RAB7A: variants seen among roughly 807,000 people sequenced by gnomAD.
RAB7A encodes the protein RAB7A, member RAS oncogene family, also known as ras-related protein Rab-7a.
Under a neutral mutation model 24.5 loss-of-function variants are expected in RAB7A, and 2 were observed. The observed-to-expected ratio is 0.08, with a 90% CI of 0.03 to 0.26. RAB7A has a LOEUF of 0.26. Ranked by LOEUF, RAB7A falls within the 10% of genes least tolerant of loss-of-function variation. The pLI is 1.00. For synonymous variants in RAB7A, 100 were observed against 95.9 expected, an observed-to-expected ratio of 1.04 and a Z score of -0.25; for missense variants, 118 against 255.7, an observed-to-expected ratio of 0.46 and a Z score of 3.67.
At chr3:128,760,045 C>A (rs1335671733) in intron 1 of RAB7A, among the ~76,000 whole-genome samples, 1 of 152,114 alleles carries the variant, frequency 6.6e-6, no homozygotes, top group African/African-American at 2.4e-5. Flanking sequence ...GACTGGTCCT[C>A]AGGTGCCCAG....
chr3:128,763,208 A>ATATATATATATATATTTTTT (rs373993932), intron 1 of RAB7A, among the ~76,000 whole-genome samples: 1 of 76,060 alleles, frequency 1.3e-5, no homozygotes, highest in African/African-American at 8.2e-5. Context: ...ATATATATAT[A>ATATATATATATATATTTTTT]TTTTTTTTTT....
At chr3:128,797,561 A>G (rs1933603699) in intron 2 of RAB7A, among the ~76,000 whole-genome samples, 1 of 152,218 alleles carries the variant, frequency 6.6e-6, no homozygotes, top group Non-Finnish European at 1.5e-5. Context: ...CTAAATGGAG[A>G]AACATCTAAG....
intron 1 of RAB7A, among the ~76,000 whole-genome samples, chr3:128,780,231 C>T (rs1469472347): frequency 6.6e-6 from 1 of 152,126 alleles, no homozygotes; most frequent in African/African-American, 2.4e-5. Flanking sequence ...AATCCTATCT[C>T]TAGGAACAGT....
chr3:128,794,699 C>A (rs993683649), intron 1 of RAB7A, among the ~76,000 whole-genome samples: 5 of 152,082 alleles, frequency 3.3e-5, no homozygotes, highest in African/African-American at 1.2e-4. Context: ...TTTTTCACAT[C>A]TTCTGGTTAT....
chr3:128,730,386 C>T (rs1018882921), intron 1 of RAB7A, among the ~76,000 whole-genome samples: 4 of 152,076 alleles, frequency 2.6e-5, no homozygotes, highest in Non-Finnish European at 4.4e-5. Context: ...CCCACCACCA[C>T]GCCCGGCTAA....
intron 1 of RAB7A, among the ~76,000 whole-genome samples, chr3:128,736,573 A>G (rs576648602): frequency 6.6e-6 from 1 of 152,314 alleles, no homozygotes; most frequent in African/African-American, 2.4e-5. Context: ...CTGTCTTGGC[A>G]AAGGGAAAAA....
At chr3:128,732,269 A>T (rs1200076903) in intron 1 of RAB7A, among the ~76,000 whole-genome samples, 1 of 151,458 alleles carries the variant, frequency 6.6e-6, no homozygotes, top group Non-Finnish European at 1.5e-5. Flanking sequence ...CAATCCCTTG[A>T]CCCTGTGATC....
intron 1 of RAB7A, among the ~76,000 whole-genome samples, chr3:128,726,888 G>A (rs531922305): frequency 5.6e-4 from 85 of 152,360 alleles, no homozygotes; most frequent in Non-Finnish European, 9.0e-4. Context: ...CAGGTCACGT[G>A]CGCTGGGCTC....
chr3:128,801,407 A>G (rs1933695513), intron 3 of RAB7A, among the ~76,000 whole-genome samples: 1 of 2,804 alleles, frequency 3.6e-4, no homozygotes, highest in East Asian at 9.3e-4. Flanking sequence ...GATGGGGGGA[A>G]CCTTTTGATG....
At chr3:128,795,496 T>G in intron 2 of RAB7A, 76 bp downstream of exon 2, 1 of 1,358,136 alleles carries the variant, frequency 7.4e-7, no homozygotes, top group Non-Finnish European at 1.1e-6. Flanking sequence ...ACACTGTCCG[T>G]GCTGCCACTT....
At chr3:128,793,970 ACT>A (rs1933515626) in intron 1 of RAB7A, among the ~76,000 whole-genome samples, 1 of 152,110 alleles carries the variant, frequency 6.6e-6, no homozygotes, top group Admixed American at 6.6e-5. Flanking sequence ...CCAGAAACAG[ACT>A]CTGAAGCCAT....
At position 128,741,396 on chromosome 3, in the gene RAB7A, T is replaced by G. The variant is rs183567358; in HGVS notation, c.-9+15037T>G. 3.1e-3 allele frequency among the ~76,000 whole-genome samples: 465 copies of G among 152,316 alleles called. 2 individuals carry two copies. Among genetic ancestry groups the G allele is most frequent in the South Asian group, 6.4e-3 (31 of 4,828 alleles). On this transcript the variant is annotated intron_variant, in intron 1 of 5. Coordinates refer to ENST00000265062, the MANE Select transcript of RAB7A (RefSeq NM_004637.6). ...AAACAATGTTTTCTTCTAGTAATTCTAGCACTTAGCCAGGTATAATATGTC... is the reference window on the plus strand; with the variant it reads ...AAACAATGTTTTCTTCTAGTAATTCGAGCACTTAGCCAGGTATAATATGTC...
rs113016574 is a variant in RAB7A, at chr3:128,805,117, T to TTTTGTTTG, written c.181-1234_181-1227dup. ...CTGTGTGGGAGGATGCCAAGTGTTC[T>TTTTGTTTG]TTTGTTTGTTTGTTTGTTTGTTTGT... On this transcript the variant is annotated intron_variant, in intron 3 of 5. Transcript: ENST00000265062. Among the ~76,000 whole-genome samples the TTTTGTTTG allele has an allele frequency of 2.1e-4, 32 of 152,086 alleles. 1 individual carries two copies. Among genetic ancestry groups the TTTTGTTTG allele is most frequent in the East Asian group, 3.9e-4 (2 of 5,186 alleles).
chr3:128,764,289 T>C (rs756062404), intron 1 of RAB7A, among the ~76,000 whole-genome samples: 1 of 150,600 alleles, frequency 6.6e-6, no homozygotes, highest in South Asian at 2.1e-4. Flanking sequence ...CCGACAACTT[T>C]CTTTCTTTTT....
chr3:128,792,554 G>A (rs756666135), intron 1 of RAB7A, among the ~76,000 whole-genome samples: 2 of 149,842 alleles, frequency 1.3e-5, no homozygotes, highest in South Asian at 2.1e-4. Context: ...CTACAGGTGC[G>A]CACCACCACA....
At chr3:128,797,409 G>A (rs945455997) in intron 2 of RAB7A, among the ~76,000 whole-genome samples, 1 of 152,190 alleles carries the variant, frequency 6.6e-6, no homozygotes, top group African/African-American at 2.4e-5. Context: ...ATTCTTTGAG[G>A]TGGATTTGTT....
At position 128,758,344 on chromosome 3, in the gene RAB7A, C is replaced by T. The variant is rs982777471; in HGVS notation, c.-9+31985C>T. 1.0e-4 allele frequency among the ~76,000 whole-genome samples: 15 copies of T among 149,640 alleles called. No individual in the cohort carries two copies. In the East Asian group the frequency reaches 1.6e-3, roughly 16 times the overall value. On this transcript the variant is annotated intron_variant, in intron 1 of 5. Transcript: ENST00000265062. ...CTGGAGTGCAGTGGCGCTATCTCGG[C>T]TCACTGCAAGCTCCGCCTTCCAGGT... is the stretch of plus-strand genomic sequence containing the variant.
chr3:128,734,195 C>G (rs146692446), intron 1 of RAB7A, among the ~76,000 whole-genome samples: 1 of 151,858 alleles, frequency 6.6e-6, no homozygotes, highest in Non-Finnish European at 1.5e-5. Context: ...TTTGGGAGAC[C>G]GAGGTGGGCG....
At chr3:128,736,940 A>G (rs1027243039) in intron 1 of RAB7A, among the ~76,000 whole-genome samples, 2 of 152,212 alleles carry the variant, frequency 1.3e-5, no homozygotes, top group Non-Finnish European at 2.9e-5. Flanking sequence ...ATCTCTTTCT[A>G]CAAATCAGCT....
Sources: allele counts gnomAD v4.1 joint callset (sites outside exome capture counted in the v4.1 genomes callset), GRCh38; gene constraint gnomAD v4.1.1; transcripts MANE v1.5; gene names NCBI Gene and HGNC (gene_info 2026-07-23, HGNC 2026-07-21).